HUWE1: variants seen among roughly 807,000 people sequenced by gnomAD.
HUWE1 encodes HECT, UBA and WWE domain containing E3 ubiquitin protein ligase 1.
A neutral mutation model predicts 299.4 loss-of-function variants in HUWE1; 18 were observed. The observed-to-expected ratio is 0.06, with a 90% CI of 0.04 to 0.09. The LOEUF (loss-of-function observed/expected upper bound fraction) is 0.09. HUWE1 is among the 10% of genes least tolerant of loss of function. HUWE1 has a pLI of 1.00. For missense variants in HUWE1, 1,832 were observed against 3,462.3 expected (o/e 0.53, Z 11.82); for synonymous variants, 1,317 against 1,286.1 (o/e 1.02, Z -0.51).
At chrX:53,638,315 G>A (rs999012379) in intron 7 of HUWE1, among the ~76,000 whole-genome samples, 3 of 111,359 alleles carry the variant, frequency 2.7e-5, no homozygotes, top group African/African-American at 9.8e-5. Flanking sequence ...ACTCCAGCCT[G>A]GGGGACAGAG....
chrX:53,641,700 T>C (rs1227938529), intron 7 of HUWE1, among the ~76,000 whole-genome samples: 1 of 111,966 alleles, frequency 8.9e-6, no homozygotes, highest in African/African-American at 3.2e-5. Flanking sequence ...TTTTAGTTTT[T>C]AAAAAATCAT....
rs2061921554 is a variant in HUWE1, at chrX:53,554,727, T to C, written c.8400A>G (p.Leu2800=). 3 of 1,210,399 alleles carry C rather than the reference T, an allele frequency of 2.5e-6. No homozygotes were observed. The highest frequency in any genetic ancestry group is 3.4e-6 in the Non-Finnish European group (3 of 894,561). ...ATTCCTCTGGCTCTACAGGCATCAA[T>C]AGCTGTGTAGAGCTGCCCCCTTCTC... is the stretch of plus-strand genomic sequence containing the variant. ...PAGEGGSSTQ[L]LMPVEPEELG... Residue 2800 remains leucine (L), a synonymous_variant, in exon 61 of 84, where the codon CTA becomes CTG. Transcript: ENST00000262854.
chrX:53,610,745 G>A (rs1031914744), intron 23 of HUWE1, among the ~76,000 whole-genome samples: 3 of 111,703 alleles, frequency 2.7e-5, no homozygotes. Context: ...ACATTTCAGG[G>A]AACAACTGCG....
intron 29 of HUWE1, among the ~76,000 whole-genome samples, chrX:53,596,426 C>T (rs782720988): frequency 8.9e-6 from 1 of 112,303 alleles, no homozygotes; most frequent in African/African-American, 3.2e-5. Flanking sequence ...ATAAAATATA[C>T]ACAAATTATA....
chrX:53,638,482 T>C (rs1188852969), intron 7 of HUWE1, among the ~76,000 whole-genome samples: 2 of 112,636 alleles, frequency 1.8e-5, no homozygotes, highest in Admixed American at 9.4e-5. Context: ...CAGAGGCATA[T>C]ACAACACTAC....
At chrX:53,615,669 T>C in intron 22 of HUWE1, 75 bp downstream of exon 22, 1 of 762,985 alleles carries the variant, frequency 1.3e-6, no homozygotes, top group Admixed American at 2.4e-5. Context: ...TAATGACCTC[T>C]AGTAGGCCAA....
At chrX:53,646,844 A>T (rs782509289) in intron 6 of HUWE1, among the ~76,000 whole-genome samples, 1 of 112,305 alleles carries the variant, frequency 8.9e-6, no homozygotes, top group South Asian at 3.8e-4. Flanking sequence ...ATTTCTTCTT[A>T]CAGTGATTTT....
At chrX:53,573,249 T>C (rs1225406445) in intron 47 of HUWE1, among the ~76,000 whole-genome samples, 2 of 111,661 alleles carry the variant, frequency 1.8e-5, no homozygotes, top group African/African-American at 6.5e-5. Flanking sequence ...CTTTCAGGTT[T>C]TTTTTGAGAC....
At chrX:53,539,595 G>A in intron 75 of HUWE1, 62 bp downstream of exon 75, 2 of 1,117,385 alleles carry the variant, frequency 1.8e-6, no homozygotes, top group Non-Finnish European at 2.5e-6. Context: ...AAAACAAGCT[G>A]GCAGGAAGGG....
intron 80 of HUWE1, 39 bp from the exon 81 acceptor site, chrX:53,535,540 C>T (rs868916833): frequency 1.1e-6 from 1 of 914,860 alleles, no homozygotes; most frequent in Non-Finnish European, 1.6e-6. Context: ...TATCAGACTT[C>T]ATCTAGGATG....
intron 3 of HUWE1, among the ~76,000 whole-genome samples, chrX:53,670,811 T>C: frequency 9.0e-6 from 1 of 111,688 alleles, no homozygotes; most frequent in Non-Finnish European, 1.9e-5. Flanking sequence ...GCAGCAGATA[T>C]GTATATGTCT....
At chrX:53,645,740 T>A (rs1180808435) in intron 6 of HUWE1, among the ~76,000 whole-genome samples, 309 of 17,398 alleles carry the variant, frequency 0.018, 45 homozygotes, top group African/African-American at 0.046. Context: ...AAAAAAAATA[T>A]ATATATATAT....
At chrX:53,541,116 C>T (rs1276657087) in intron 74 of HUWE1, among the ~76,000 whole-genome samples, 2 of 112,402 alleles carry the variant, frequency 1.8e-5, no homozygotes, top group Admixed American at 1.9e-4. Flanking sequence ...CTATGTATGA[C>T]TGACTTTGAG....
chrX:53,620,568 A>T (rs782015131), intron 19 of HUWE1, among the ~76,000 whole-genome samples: 1 of 111,861 alleles, frequency 8.9e-6, no homozygotes, highest in East Asian at 2.8e-4. Flanking sequence ...TGTTCACAGA[A>T]AGCAGGCCTA....
At chrX:53,673,681 G>C (rs2069668110) in intron 3 of HUWE1, among the ~76,000 whole-genome samples, 1 of 111,285 alleles carries the variant, frequency 9.0e-6, no homozygotes, top group Admixed American at 9.5e-5. Flanking sequence ...ACTCATTTTG[G>C]GGCATTTTGA....
rs864309623 is a variant in HUWE1 at position 53,586,887 on chromosome X, C to G, written c.4637G>C (p.Trp1546Ser). 8.3e-7 allele frequency: 1 copy of G among 1,211,257 alleles called. No homozygotes were observed. Among genetic ancestry groups the G allele is most frequent in the South Asian group, 1.8e-5 (1 of 56,962 alleles). The change falls in exon 38 of 84, where the codon TGG (tryptophan) becomes TCG (serine). Residue 1546 changes from tryptophan to serine, a missense_variant. Physicochemically the swap from Trp to Ser is radical, Grantham distance 177. This residue lies in a region of HUWE1 where 658 missense variants were observed against 1,282.6 expected (regional missense o/e 0.51). Transcript: ENST00000262854. Reference sequence around the variant, plus strand: ...AAGGATGCCACTTGATTCAACCACCCAAGCACAAGGTAGCTTCAACTCCTG... The same window carrying G: ...AAGGATGCCACTTGATTCAACCACCGAAGCACAAGGTAGCTTCAACTCCTG... ...LFEELKLPCA[W>S]VVESSGILNV... is the part of the protein sequence containing the mutation.
At chrX:53,620,633 G>T (rs1400962156) in intron 19 of HUWE1, among the ~76,000 whole-genome samples, 3 of 111,556 alleles carry the variant, frequency 2.7e-5, no homozygotes, top group Admixed American at 9.4e-5. Flanking sequence ...ATGGACAATG[G>T]TCTCTTAAAT....
In HUWE1 at chrX:53,536,091, G is replaced by C. The variant is rs1214163645; in HGVS notation, c.12531+56C>G. ...GCAGTGCTAGTTCTAAGGTGAACCT[G>C]GAATGGATCTTCCAGATTGGCTGGG... On this transcript the variant is annotated intron_variant, in intron 80 of 83. Transcript: ENST00000262854. 3.9e-6 allele frequency: 3 copies of C among 773,243 alleles called. No homozygotes were observed. In the Admixed American group the frequency reaches 6.8e-5, roughly 17 times the overall value. The allele number at this position is 773,243 out of a possible 1,213,427, so 63.7% of individuals were successfully genotyped here.
At chrX:53,539,897 A>C in intron 74 of HUWE1, 85 bp from the exon 75 acceptor site, 1 of 935,234 alleles carries the variant, frequency 1.1e-6, no homozygotes, top group Non-Finnish European at 1.5e-6. Flanking sequence ...ACCAACTAAT[A>C]TACAGAACAA....
Sources: gnomAD v4.1 joint callset for allele counts (sites outside exome capture counted in the v4.1 genomes callset) on GRCh38, gnomAD v4.1.1 for gene constraint, gnomAD v4.1.1 regional missense constraint, MANE v1.5 for transcripts, NCBI Gene and HGNC (gene_info 2026-07-23, HGNC 2026-07-21) for gene names.